The following PCMTD1 variants were observed in gnomAD, a reference collection of about 807,000 sequenced individuals.
PCMTD1 encodes protein-L-isoaspartate (D-aspartate) O-methyltransferase domain containing 1, also known as protein-L-isoaspartate O-methyltransferase domain-containing protein 1.
A neutral mutation model predicts 37.6 loss-of-function variants in PCMTD1; 12 were observed. That is an observed-to-expected ratio of 0.32 (90% confidence interval 0.20 to 0.52). The LOEUF (loss-of-function observed/expected upper bound fraction) is 0.52, where lower values mean the gene tolerates loss of function less well. Ranked by LOEUF, PCMTD1 falls within the 20% of genes least tolerant of loss-of-function variation. The probability of loss-of-function intolerance (pLI) is 0.97; values close to 1 mark genes in which losing one functional copy is unlikely to be tolerated. For synonymous variants in PCMTD1, 117 were observed against 135.8 expected (o/e 0.86, Z 0.96); for missense variants, 235 against 421.3 (o/e 0.56, Z 3.87).
intron 5 of PCMTD1, among the ~76,000 whole-genome samples, chr8:51,822,378 TC>T (rs1563333605): frequency 4.0e-5 from 6 of 151,318 alleles, no homozygotes; most frequent in Non-Finnish European, 7.4e-5. Flanking sequence ...AAAAAAATAA[TC>T]AAGGAAAACA....
intron 1 of PCMTD1, among the ~76,000 whole-genome samples, chr8:51,889,517 T>C (rs372919596): frequency 1.3e-5 from 2 of 152,214 alleles, no homozygotes; most frequent in African/African-American, 4.8e-5. Flanking sequence ...CCAAACCCTG[T>C]GTCCCTCAAC....
chr8:51,881,465 T>G (rs529695671), intron 1 of PCMTD1, among the ~76,000 whole-genome samples: 1 of 152,282 alleles, frequency 6.6e-6, no homozygotes, highest in East Asian at 1.9e-4. Flanking sequence ...CGCCTCAATT[T>G]GCCAGACTGT....
intron 2 of PCMTD1, among the ~76,000 whole-genome samples, chr8:51,851,303 ACT>A (rs1563346443): frequency 1.3e-5 from 2 of 152,246 alleles, no homozygotes; most frequent in African/African-American, 2.4e-5. Flanking sequence ...TGTAAATGCT[ACT>A]CTCTTTTATC....
At chr8:51,881,631 G>C (rs1212791845) in intron 1 of PCMTD1, among the ~76,000 whole-genome samples, 1 of 86,556 alleles carries the variant, frequency 1.2e-5, no homozygotes, top group Non-Finnish European at 3.7e-5. Context: ...ACACTTAGTA[G>C]TTGCCTGGCA....
intron 1 of PCMTD1, among the ~76,000 whole-genome samples, chr8:51,866,673 C>T (rs991229362): frequency 6.6e-6 from 1 of 151,842 alleles, no homozygotes; most frequent in Non-Finnish European, 1.5e-5. Context: ...AACTGTGTAA[C>T]TATTAGAAGA....
At chr8:51,827,441 T>C (rs983630531) in intron 5 of PCMTD1, 10 of 454,552 alleles carry the variant, frequency 2.2e-5, no homozygotes, top group African/African-American at 4.1e-5. Flanking sequence ...TAGTGTAGTA[T>C]AATTGCATGC....
intron 3 of PCMTD1, among the ~76,000 whole-genome samples, chr8:51,835,871 C>T (rs1483304001): frequency 6.6e-6 from 1 of 152,152 alleles, no homozygotes; most frequent in Non-Finnish European, 1.5e-5. Context: ...GTATTTTATA[C>T]ATGTTCATCA....
At chr8:51,894,308 A>G (rs2038972202) in intron 1 of PCMTD1, among the ~76,000 whole-genome samples, 1 of 152,206 alleles carries the variant, frequency 6.6e-6, no homozygotes. Context: ...AAAACAAGAA[A>G]TAAGTTTTGA....
chr8:51,851,272 G>C (rs2038303575), intron 2 of PCMTD1, among the ~76,000 whole-genome samples: 1 of 152,064 alleles, frequency 6.6e-6, no homozygotes, highest in East Asian at 1.9e-4. Flanking sequence ...AGTCCCTCAG[G>C]CTCCTCTCAG....
chr8:51,867,053 T>A (rs960205068), intron 1 of PCMTD1, among the ~76,000 whole-genome samples: 3 of 151,792 alleles, frequency 2.0e-5, no homozygotes, highest in Non-Finnish European at 4.4e-5. Flanking sequence ...ACAAAAGACC[T>A]AATAATTATC....
rs945245975 is a variant in PCMTD1, at chr8:51,898,993, A to T, written c.-159T>A. 2 of 1,507,066 alleles carry T rather than the reference A, an allele frequency of 1.3e-6. No homozygotes were observed. Among genetic ancestry groups the T allele is most frequent in the Non-Finnish European group, 1.8e-6 (2 of 1,134,866 alleles). 93.4% of individuals were successfully genotyped at this position (1,507,066 alleles called of 1,614,324 possible). On this transcript the variant is annotated 5_prime_UTR_variant, in exon 1 of 6. Coordinates refer to ENST00000522514, the MANE Select transcript of PCMTD1 (RefSeq NM_052937.4). The stretch of plus-strand genomic sequence containing the variant: ...ACTCGGCGGGGTCCGCAGCAGCCAG[A>T]CGCCGCTACCACCACAATAACAACA...
At chr8:51,896,875 C>T (rs1309729874) in intron 1 of PCMTD1, among the ~76,000 whole-genome samples, 1 of 109,144 alleles carries the variant, frequency 9.2e-6, no homozygotes, top group Non-Finnish European at 2.1e-5. Flanking sequence ...TATAAACACG[C>T]ACTATTACAA....
intron 5 of PCMTD1, among the ~76,000 whole-genome samples, chr8:51,822,383 G>A (rs2037861387): frequency 6.6e-6 from 1 of 152,100 alleles, no homozygotes; most frequent in Admixed American, 6.6e-5. Context: ...AATAATCAAG[G>A]AAAACATCTA....
At chr8:51,888,162 G>C (rs1221859403) in intron 1 of PCMTD1, among the ~76,000 whole-genome samples, 7 of 152,146 alleles carry the variant, frequency 4.6e-5, no homozygotes, top group African/African-American at 1.4e-4. Context: ...TAGGGTAGTA[G>C]AAAGCTACCA....
intron 4 of PCMTD1, among the ~76,000 whole-genome samples, chr8:51,832,250 G>GA (rs1435934284): frequency 6.6e-6 from 1 of 152,194 alleles, no homozygotes; most frequent in Non-Finnish European, 1.5e-5. Context: ...TTACGTATTT[G>GA]AAAATGTATC....
intron 1 of PCMTD1, among the ~76,000 whole-genome samples, chr8:51,867,961 T>A (rs1444415137): frequency 6.6e-6 from 1 of 152,162 alleles, no homozygotes; most frequent in Non-Finnish European, 1.5e-5. Flanking sequence ...GAAACAATTA[T>A]TGCTGAAACT....
intron 5 of PCMTD1, among the ~76,000 whole-genome samples, chr8:51,822,576 C>A (rs2037864517): frequency 6.6e-6 from 1 of 152,210 alleles, no homozygotes; most frequent in African/African-American, 2.4e-5. Flanking sequence ...TTATACTCGT[C>A]ACCATTTTCA....
intron 2 of PCMTD1, among the ~76,000 whole-genome samples, chr8:51,848,258 G>A (rs6986984): frequency 0.69 from 102,927 of 150,106 alleles, 41,629 homozygotes; most frequent in Non-Finnish European, 0.9. Context: ...CTACAATCCG[G>A]GCTGGGCAAC....
chr8:51,852,160 T>C (rs183662555), intron 2 of PCMTD1, among the ~76,000 whole-genome samples: 3 of 152,308 alleles, frequency 2.0e-5, no homozygotes, highest in African/African-American at 7.2e-5. Context: ...AGAAGCATCA[T>C]GCACAATTTC....
Sources: allele counts gnomAD v4.1 joint callset (sites outside exome capture counted in the v4.1 genomes callset), GRCh38; gene constraint gnomAD v4.1.1; transcripts MANE v1.5; gene names NCBI Gene and HGNC (gene_info 2026-07-23, HGNC 2026-07-21).